The following AGAP1 variants were observed in gnomAD, a reference collection of about 807,000 sequenced individuals.
AGAP1 encodes the protein ArfGAP with GTPase domain, ankyrin repeat and PH domain 1.
AGAP1 carries 29 observed loss-of-function variants against 105.3 expected under a neutral mutation model. The observed-to-expected ratio is 0.28, with a 90% confidence interval of 0.21 to 0.38. AGAP1 has a LOEUF of 0.38. Ranked by LOEUF, AGAP1 falls within the 10% of genes least tolerant of loss-of-function variation. AGAP1 has a pLI of 1.00. For synonymous variants in AGAP1, 509 were observed against 485.9 expected, an observed-to-expected ratio of 1.05 and a Z score of -0.63; for missense variants, 998 against 1,165.1, an observed-to-expected ratio of 0.86 and a Z score of 2.09.
At chr2:235,693,672 A>G (rs970998352) in intron 1 of AGAP1, among the ~76,000 whole-genome samples, 1 of 152,166 alleles carries the variant, frequency 6.6e-6, no homozygotes, top group African/African-American at 2.4e-5. Flanking sequence ...TGGGCAACAT[A>G]GTGAGGCCTC....
At position 235,726,266 on chromosome 2, in the gene AGAP1, C is replaced by T. The variant is rs1255892873; in HGVS notation, c.310+8622C>T. Among the ~76,000 whole-genome samples the T allele has an allele frequency of 4.6e-5, 7 of 152,276 alleles. No individual in the cohort carries two copies. In the East Asian group the frequency reaches 9.7e-4, roughly 21 times the overall value. ...GGGAGTCACTGTCTCCTGAGGGCAG[C>T]GCACAGAGGCTCATGTGTGTCCCTT... On this transcript the variant is annotated intron_variant, in intron 3 of 17. Coordinates refer to ENST00000304032, the MANE Select transcript of AGAP1 (RefSeq NM_001037131.3).
At chr2:235,695,498 A>G (rs1211623154) in intron 1 of AGAP1, among the ~76,000 whole-genome samples, 1 of 152,206 alleles carries the variant, frequency 6.6e-6, no homozygotes, top group African/African-American at 2.4e-5. Flanking sequence ...GTGAACAGAC[A>G]GCGGCTCAGG....
Position 235,769,634 on chromosome 2 carries a change from A to G in AGAP1, c.673+19146A>G, listed in dbSNP as rs774466176. 1.3e-5 allele frequency among the ~76,000 whole-genome samples: 2 copies of G among 152,148 alleles called. No individual in the cohort carries two copies. The highest frequency in any genetic ancestry group is 2.9e-5 in the Non-Finnish European group (2 of 68,032). ...AGAAGTTTAGTGACATTCAGAGGAA[A>G]TCCTTCCAACACAATATACAATTAA... On this transcript the variant is annotated intron_variant, in intron 6 of 17. Coordinates refer to ENST00000304032, the MANE Select transcript of AGAP1 (RefSeq NM_001037131.3). The surrounding 1 kb of genome is among the most constrained non-coding windows in gnomAD (Gnocchi z 4.4).
chr2:235,704,145 G>T (rs1950405980), intron 1 of AGAP1, among the ~76,000 whole-genome samples: 1 of 152,198 alleles, frequency 6.6e-6, no homozygotes, highest in Admixed American at 6.5e-5. Flanking sequence ...GAGAAGCAGG[G>T]CTCATCTCTG....
At chr2:235,710,364 A>G (rs958223790) in intron 2 of AGAP1, among the ~76,000 whole-genome samples, 3 of 152,254 alleles carry the variant, frequency 2.0e-5, no homozygotes, top group East Asian at 3.8e-4. Context: ...ATGAAGTACA[A>G]TGAGTGGGAG....
chr2:235,986,234 G>A (rs1559726411), intron 13 of AGAP1, among the ~76,000 whole-genome samples: 1 of 152,134 alleles, frequency 6.6e-6, no homozygotes. Context: ...TGTAGAGATT[G>A]TGAATGAGAG....
chr2:235,729,663 T>C lies in AGAP1; in HGVS notation c.311-11300T>C, dbSNP rs759311818. ...GAGACAACCTGCTGGCCTCCTTCCATTAAAGCCATTACAGTGTCACCACAG... is the reference window on the plus strand; with the variant it reads ...GAGACAACCTGCTGGCCTCCTTCCACTAAAGCCATTACAGTGTCACCACAG... On this transcript the variant is annotated intron_variant, in intron 3 of 17. Coordinates refer to ENST00000304032, the MANE Select transcript of AGAP1 (RefSeq NM_001037131.3). This position sits in a 1 kb window ranked among gnomAD's most constrained non-coding sequence, Gnocchi z 5.0. Among the ~76,000 whole-genome samples, 2 of 152,124 alleles carry C rather than the reference T, an allele frequency of 1.3e-5. No individual in the cohort carries two copies. Among genetic ancestry groups the C allele is most frequent in the Non-Finnish European group, 2.9e-5 (2 of 68,024 alleles).
At chr2:235,713,999 A>T (rs1950974525) in intron 2 of AGAP1, among the ~76,000 whole-genome samples, 1 of 152,116 alleles carries the variant, frequency 6.6e-6, no homozygotes, top group African/African-American at 2.4e-5. Flanking sequence ...TTCTTTGTTT[A>T]AAATTTTATT....
At chr2:235,899,892 A>G (rs908511452) in intron 10 of AGAP1, among the ~76,000 whole-genome samples, 4 of 152,200 alleles carry the variant, frequency 2.6e-5, no homozygotes, top group African/African-American at 9.7e-5. Flanking sequence ...GGCAGTGTAA[A>G]CCTCAATACA....
chr2:236,088,690 C>A (rs1419576921), intron 16 of AGAP1, among the ~76,000 whole-genome samples: 3 of 152,170 alleles, frequency 2.0e-5, no homozygotes, highest in Admixed American at 2.0e-4. Context: ...TAAACTAAGT[C>A]CAGAGCGGTC....
chr2:235,829,668 C>G (rs1959194208), intron 9 of AGAP1, among the ~76,000 whole-genome samples: 1 of 152,218 alleles, frequency 6.6e-6, no homozygotes, highest in Admixed American at 6.5e-5. Context: ...TTTGGACTCT[C>G]TGTATTTCTA....
chr2:235,652,894 G>A (rs1559316198), intron 1 of AGAP1, among the ~76,000 whole-genome samples: 2 of 152,042 alleles, frequency 1.3e-5, no homozygotes, highest in African/African-American at 2.4e-5. Context: ...ACTTGAATGG[G>A]GCAGGGTGTA....
intron 9 of AGAP1, among the ~76,000 whole-genome samples, chr2:235,854,295 AC>A (rs1459528355): frequency 6.6e-6 from 1 of 152,086 alleles, no homozygotes; most frequent in Non-Finnish European, 1.5e-5. Context: ...CATGGAGTAG[AC>A]CCCGCTCCTC....
rs1172393048 is a variant in AGAP1, at chr2:235,746,377, C to CTTTTTTTTTT, written c.538+1563_538+1572dup. ...GCTTCCTGGAGAGCACCTCCCCCAA[C>CTTTTTTTTTT]TTTTTTTTTTTTTTTTTTTTTTTTT... is the stretch of plus-strand genomic sequence containing the variant. On this transcript the variant is annotated intron_variant, in intron 5 of 17. Coordinates refer to ENST00000304032, the MANE Select transcript of AGAP1 (RefSeq NM_001037131.3). 3.3e-3 allele frequency among the ~76,000 whole-genome samples: 183 copies of CTTTTTTTTTT among 55,560 alleles called. 32 individuals are homozygous for CTTTTTTTTTT. The highest frequency in any genetic ancestry group is 5.8e-3 in the East Asian group (10 of 1,710). 36.4% of individuals were successfully genotyped at this position (55,560 alleles called of 152,430 possible). A position where few individuals can be genotyped will look rare whatever the true frequency, so the allele number is the denominator to read the frequency against.
chr2:236,003,494 G>A lies in AGAP1; in HGVS notation c.1646-33067G>A, dbSNP rs2056206770. On this transcript the variant is annotated intron_variant, in intron 13 of 17. Coordinates refer to ENST00000304032, the MANE Select transcript of AGAP1 (RefSeq NM_001037131.3). This position sits in a 1 kb window ranked among gnomAD's most constrained non-coding sequence, Gnocchi z 4.2. ...TCCTCATGGCCACGCTGGGATGGAG[G>A]TGGACTCTGAGCACAGACAAGGGAC... Among the ~76,000 whole-genome samples, 1 of 152,228 alleles carries A rather than the reference G, an allele frequency of 6.6e-6. No individual in the cohort carries two copies. The highest frequency in any genetic ancestry group is 2.4e-5 in the African/African-American group (1 of 41,462).
intron 1 of AGAP1, among the ~76,000 whole-genome samples, chr2:235,603,013 C>T (rs13414868): frequency 0.25 from 38,248 of 152,060 alleles, 5,087 homozygotes; most frequent in African/African-American, 0.32. Context: ...ATCGGACACA[C>T]TTCTTACTGA....
rs960376287 is a variant in AGAP1 at position 236,049,228 on chromosome 2, C to T, written c.2061C>T (p.Ser687=). ...MSSIGNELAN[S]VWEESSQGRT... is the part of the protein sequence containing the mutation. ...CCATCGGGAACGAGCTAGCCAACAG[C>T]GTCTGGGAAGAGAGCAGCCAGGGGC... The change falls in exon 16 of 18, where the codon AGC becomes AGT. Residue 687 remains serine, a synonymous_variant. Transcript: ENST00000304032. The T allele has an allele frequency of 8.7e-6, 14 of 1,614,070 alleles. No individual in the cohort carries two copies. The highest frequency in any genetic ancestry group is 1.6e-4 in the Middle Eastern group (1 of 6,084).
rs906780037 is a variant in AGAP1 at position 235,729,574 on chromosome 2, G to A, written c.311-11389G>A. On this transcript the variant is annotated intron_variant, in intron 3 of 17. Coordinates refer to ENST00000304032, the MANE Select transcript of AGAP1 (RefSeq NM_001037131.3). The surrounding 1 kb of genome is among the most constrained non-coding windows in gnomAD (Gnocchi z 5.0). ...CGGGTCTTGGTGCTTTCCAGCTCAG[G>A]GCGTTGGTCCACTTGGTTATTCTTG... 2.0e-5 allele frequency among the ~76,000 whole-genome samples: 3 copies of A among 152,124 alleles called. No homozygotes were observed. Among genetic ancestry groups the A allele is most frequent in the Non-Finnish European group, 4.4e-5 (3 of 68,032 alleles).
rs891650986 is a variant in AGAP1, at chr2:235,612,832, A to G, written c.164-96347A>G. Reference sequence around the variant, plus strand: ...GTGATCTTGTGGAGGGAATGACCCCACGTCTCTGGATTCTGGCTTCTGCTT... The same window carrying G: ...GTGATCTTGTGGAGGGAATGACCCCGCGTCTCTGGATTCTGGCTTCTGCTT... On this transcript the variant is annotated intron_variant, in intron 1 of 17. Coordinates refer to ENST00000304032, the MANE Select transcript of AGAP1 (RefSeq NM_001037131.3). This position sits in a 1 kb window ranked among gnomAD's most constrained non-coding sequence, Gnocchi z 4.3. Among the ~76,000 whole-genome samples, 28 of 152,110 alleles carry G rather than the reference A, an allele frequency of 1.8e-4. No individual in the cohort carries two copies. Among genetic ancestry groups the G allele is most frequent in the African/African-American group, 6.7e-4 (28 of 41,496 alleles).
Sources: allele counts gnomAD v4.1 joint callset (sites outside exome capture counted in the v4.1 genomes callset), GRCh38; gene constraint gnomAD v4.1.1; non-coding constraint Gnocchi (gnomAD v3.1); transcripts MANE v1.5; gene names NCBI Gene and HGNC (gene_info 2026-07-23, HGNC 2026-07-21).